The following PPM1H variants were observed in gnomAD, a reference collection of about 807,000 sequenced individuals.
PPM1H encodes the protein protein phosphatase 1H.
A neutral mutation model predicts 54.9 loss-of-function variants in PPM1H; 27 were observed. That is an observed-to-expected ratio of 0.49 (90% CI 0.36 to 0.68). The LOEUF (loss-of-function observed/expected upper bound fraction) is 0.68, where lower values mean the gene tolerates loss of function less well. PPM1H is among the 30% of genes least tolerant of loss of function. The pLI is 0.00. For missense variants in PPM1H, 596 were observed against 667.8 expected (o/e 0.89, Z 1.19); for synonymous variants, 305 against 270.8 (o/e 1.13, Z -1.24).
At chr12:62,828,557 C>T (rs1461297130) in intron 2 of PPM1H, among the ~76,000 whole-genome samples, 1 of 152,170 alleles carries the variant, frequency 6.6e-6, no homozygotes, top group East Asian at 1.9e-4. Flanking sequence ...TTTGTATCTC[C>T]ATAGTGTCTA....
chr12:62,777,125 T>C (rs772812719), intron 4 of PPM1H, among the ~76,000 whole-genome samples: 1 of 152,230 alleles, frequency 6.6e-6, no homozygotes, highest in African/African-American at 2.4e-5. Flanking sequence ...GCACAGGGCT[T>C]AGCCTGTAGA....
At chr12:62,767,396 C>T (rs1371616822) in intron 4 of PPM1H, among the ~76,000 whole-genome samples, 2 of 152,244 alleles carry the variant, frequency 1.3e-5, no homozygotes, top group South Asian at 2.1e-4. Flanking sequence ...GGAGTTGGTG[C>T]GTACTTATGG....
In PPM1H at chr12:62,796,354, C is replaced by T. The variant is rs529017283; in HGVS notation, c.756+5462G>A. Among the ~76,000 whole-genome samples the T allele has an allele frequency of 2.6e-4, 39 of 152,324 alleles. No homozygotes were observed. In the East Asian group the frequency reaches 7.2e-3, roughly 28 times the overall value. ...GGCTCAGTCCCCCAACTGACTCCCA[C>T]TTCTGATGCCAGTCGCAAGCCCCAG... On this transcript the variant is annotated intron_variant, in intron 3 of 9. Transcript: ENST00000228705.
In PPM1H at chr12:62,644,741, C is replaced by A. The variant is rs1592519967; in HGVS notation, c.*3748G>T. ...GTGGGCTATGGTGTGCAGGCTGCAACCTTTCTCTGCAATTGTTAAGTCTTC... is the reference window on the plus strand; with the variant it reads ...GTGGGCTATGGTGTGCAGGCTGCAAACTTTCTCTGCAATTGTTAAGTCTTC... On this transcript the variant is annotated 3_prime_UTR_variant, in exon 10 of 10. Coordinates refer to ENST00000228705, the MANE Select transcript of PPM1H (RefSeq NM_020700.2). The A allele has an allele frequency of 6.6e-6, 1 of 152,324 alleles. No homozygotes were observed. The highest frequency in any genetic ancestry group is 1.9e-4 in the East Asian group (1 of 5,186). 9.4% of individuals were successfully genotyped at this position (152,324 alleles called of 1,614,324 possible).
At chr12:62,705,781 T>C (rs1399481071) in intron 6 of PPM1H, among the ~76,000 whole-genome samples, 2 of 152,198 alleles carry the variant, frequency 1.3e-5, no homozygotes, top group Admixed American at 1.3e-4. Context: ...CAGAGACCAT[T>C]TATTCTGAAA....
intron 3 of PPM1H, 156 bp from the exon 4 acceptor site, chr12:62,788,494 T>C: frequency 1.8e-6 from 1 of 563,048 alleles, no homozygotes; most frequent in South Asian, 2.5e-5. Flanking sequence ...TGATGAGCAT[T>C]TCTGGAGAGG....
At chr12:62,851,817 A>G (rs919898716) in intron 1 of PPM1H, among the ~76,000 whole-genome samples, 2 of 152,194 alleles carry the variant, frequency 1.3e-5, no homozygotes, top group African/African-American at 4.8e-5. Context: ...ACACTGACCT[A>G]TCTTGCTGAG....
At chr12:62,755,560 CAGCGGGG>C in intron 4 of PPM1H, 1 of 660,476 alleles carries the variant, frequency 1.5e-6, no homozygotes, top group South Asian at 1.6e-5. Context: ...GACTCACTTG[CAGCGGGG>C]AGCCAAAAGG....
At chr12:62,658,182 ATTT>A (rs1173229360) in intron 9 of PPM1H, among the ~76,000 whole-genome samples, 129 of 87,516 alleles carry the variant, frequency 1.5e-3, no homozygotes, top group African/African-American at 5.1e-3. Context: ...AACACGGTGA[ATTT>A]TTTTTTTTTT....
chr12:62,859,000 T>C (rs1000267185), intron 1 of PPM1H, among the ~76,000 whole-genome samples: 2 of 152,230 alleles, frequency 1.3e-5, no homozygotes, highest in African/African-American at 4.8e-5. Context: ...CTTCATACTA[T>C]GTACAAACAC....
intron 1 of PPM1H, among the ~76,000 whole-genome samples, chr12:62,882,334 G>A (rs1405211251): frequency 6.6e-6 from 1 of 152,268 alleles, no homozygotes; most frequent in Non-Finnish European, 1.5e-5. Context: ...AGTCTATCCT[G>A]TGTGGTGAGA....
intron 1 of PPM1H, among the ~76,000 whole-genome samples, chr12:62,927,778 C>T (rs1872019773): frequency 6.6e-6 from 1 of 151,652 alleles, no homozygotes; most frequent in African/African-American, 2.4e-5. Context: ...ATATGATCAG[C>T]TTTTATTTTT....
intron 6 of PPM1H, among the ~76,000 whole-genome samples, chr12:62,716,686 C>G (rs2076236382): frequency 6.6e-6 from 1 of 152,126 alleles, no homozygotes; most frequent in South Asian, 2.1e-4. Context: ...GCCACCATGC[C>G]TGGCTAATTT....
chr12:62,818,863 C>G (rs2076885698), intron 2 of PPM1H, among the ~76,000 whole-genome samples: 1 of 149,934 alleles, frequency 6.7e-6, no homozygotes, highest in Non-Finnish European at 1.5e-5. Context: ...CTCAGTTGCC[C>G]AGGCTGGAGT....
At chr12:62,699,953 T>C (rs1565760891) in intron 6 of PPM1H, among the ~76,000 whole-genome samples, 1 of 152,212 alleles carries the variant, frequency 6.6e-6, no homozygotes, top group African/African-American at 2.4e-5. Context: ...AAATCCCTCT[T>C]GCTCCTAAGG....
At position 62,832,771 on chromosome 12, in the gene PPM1H, C is replaced by G. The variant is rs28458409; in HGVS notation, c.246-492G>C. ...GAGAACAGAGAACCATATTTCACTA[C>G]GGCCATACCCCCCCATTTTTGCTTT... On this transcript the variant is annotated intron_variant, in intron 1 of 9. Transcript: ENST00000228705. Among the ~76,000 whole-genome samples the G allele has an allele frequency of 2.0e-5, 3 of 152,230 alleles. No individual in the cohort carries two copies. In the East Asian group the frequency reaches 5.8e-4, roughly 29 times the overall value.
intron 5 of PPM1H, among the ~76,000 whole-genome samples, chr12:62,728,314 C>A (rs543650342): frequency 6.6e-6 from 1 of 152,142 alleles, no homozygotes; most frequent in Admixed American, 6.5e-5. Context: ...TATATCTGGC[C>A]AGGAACAAGG....
intron 8 of PPM1H, among the ~76,000 whole-genome samples, chr12:62,673,055 C>T (rs892677947): frequency 1.3e-5 from 2 of 152,154 alleles, no homozygotes; most frequent in Non-Finnish European, 2.9e-5. Context: ...ATGTAATGTG[C>T]TGATATATAA....
rs372368850 is a variant in PPM1H at position 62,838,324 on chromosome 12, AGT to A, written c.246-6047_246-6046del. 3.6e-3 allele frequency among the ~76,000 whole-genome samples: 412 copies of A among 113,772 alleles called. 10 individuals carry two copies. The highest frequency in any genetic ancestry group is 0.015 in the African/African-American group (376 of 24,282). The allele number at this position is 113,772 out of a possible 152,430, so 74.6% of individuals were successfully genotyped here. ...AACTAGGAGGTAGACAGTAAAATAC[AGT>A]GTGTGTGTGTGTGGGGGGGGGGAGA... On this transcript the variant is annotated intron_variant, in intron 1 of 9. Transcript: ENST00000228705.
Sources: allele counts gnomAD v4.1 joint callset (sites outside exome capture counted in the v4.1 genomes callset), GRCh38; gene constraint gnomAD v4.1.1; transcripts MANE v1.5; gene names NCBI Gene and HGNC (gene_info 2026-07-23, HGNC 2026-07-21).